HS3ST4: variants seen among roughly 807,000 people sequenced by gnomAD.
The protein encoded by HS3ST4 is heparan sulfate glucosamine 3-O-sulfotransferase 4.
In HS3ST4, 17 loss-of-function variants were observed where a neutral mutation model predicts 29.2. The observed-to-expected ratio is 0.58, with a 90% CI of 0.40 to 0.87. HS3ST4 has a LOEUF of 0.87. HS3ST4 is among the 40% of genes least tolerant of loss of function. The pLI, the probability that HS3ST4 is intolerant of heterozygous loss-of-function variation, is 0.00. For synonymous variants in HS3ST4, 314 were observed against 285.7 expected, an observed-to-expected ratio of 1.10 and a Z score of -1.00; for missense variants, 627 against 634.5, an observed-to-expected ratio of 0.99 and a Z score of 0.13.
rs187815168 is a variant in HS3ST4, at chr16:25,768,868, G to A, written c.734+75717G>A. 4.0e-3 allele frequency among the ~76,000 whole-genome samples: 608 copies of A among 152,216 alleles called. 1 individual carries two copies. Among genetic ancestry groups the A allele is most frequent in the South Asian group, 5.6e-3 (27 of 4,818 alleles). On this transcript the variant is annotated intron_variant, in intron 1 of 1. Coordinates refer to ENST00000331351, the MANE Select transcript of HS3ST4 (RefSeq NM_006040.3). ...TTCTTTAAAAGATGGAACAGCATTGGATCCCACTCAGCTGCATTGCACTGG... is the reference window on the plus strand; with the variant it reads ...TTCTTTAAAAGATGGAACAGCATTGAATCCCACTCAGCTGCATTGCACTGG...
At chr16:25,788,488 G>A (rs1434495894) in intron 1 of HS3ST4, among the ~76,000 whole-genome samples, 1 of 141,054 alleles carries the variant, frequency 7.1e-6, no homozygotes, top group African/African-American at 2.6e-5. Context: ...CTTTCTCCCT[G>A]TTATCATTAT....
chr16:25,802,606 T>A (rs1169722964), intron 1 of HS3ST4, among the ~76,000 whole-genome samples: 1 of 152,164 alleles, frequency 6.6e-6, no homozygotes, highest in Non-Finnish European at 1.5e-5. Flanking sequence ...GGAATCATGT[T>A]GTCAAGTTCT....
In HS3ST4 at chr16:25,692,692, G is replaced by C; in HGVS notation, c.275G>C (p.Gly92Ala). The C allele has an allele frequency of 8.1e-7, 1 of 1,228,900 alleles. No homozygotes were observed. The highest frequency in any genetic ancestry group is 3.5e-5 in the East Asian group (1 of 28,224). The allele number at this position is 1,228,900 out of a possible 1,614,324, so 76.1% of individuals were successfully genotyped here. The stretch of plus-strand genomic sequence containing the variant: ...CTGCTGCCTACCCCCGTGCGCCTCG[G>C]CGCCCCCTCGCAGCCGCCCGCGCCG... The part of the protein sequence containing the change: ...PSLLPTPVRL[G>A]APSQPPAPPP... Residue 92 changes from glycine (G) to alanine (A), a missense_variant, in exon 1 of 2, where the codon GGC becomes GCC. Physicochemically the swap from Gly to Ala is moderately conservative, Grantham distance 60. This residue lies in a region of HS3ST4 where 402 missense variants were observed against 340.8 expected (regional missense o/e 1.18). Coordinates refer to ENST00000331351, the MANE Select transcript of HS3ST4 (RefSeq NM_006040.3).
chr16:25,888,590 G>A (rs1036402061), intron 1 of HS3ST4, among the ~76,000 whole-genome samples: 2 of 152,218 alleles, frequency 1.3e-5, no homozygotes, highest in African/African-American at 4.8e-5. Context: ...AGGGCAGGGT[G>A]CTGCTCTGCT....
intron 1 of HS3ST4, among the ~76,000 whole-genome samples, chr16:25,863,703 T>G (rs1458883944): frequency 6.6e-6 from 1 of 152,230 alleles, no homozygotes; most frequent in Non-Finnish European, 1.5e-5. Context: ...TGTTTTAATA[T>G]TTAATCTGGA....
chr16:25,830,013 C>T lies in HS3ST4; in HGVS notation c.734+136862C>T, dbSNP rs1336221115. On this transcript the variant is annotated intron_variant, in intron 1 of 1. Transcript: ENST00000331351. ...TAATTTTTTGGATTTTAAGTAGAGACGTGGTTTCGGCATGTTGCCCAGGCT... is the reference window on the plus strand; with the variant it reads ...TAATTTTTTGGATTTTAAGTAGAGATGTGGTTTCGGCATGTTGCCCAGGCT... Among the ~76,000 whole-genome samples the T allele has an allele frequency of 2.6e-5, 4 of 151,890 alleles. No individual in the cohort carries two copies. The East Asian group carries it at 5.8e-4, about 22-fold the overall frequency.
chr16:25,833,206 A>G (rs1967322979), intron 1 of HS3ST4, among the ~76,000 whole-genome samples: 1 of 152,176 alleles, frequency 6.6e-6, no homozygotes, highest in South Asian at 2.1e-4. Context: ...TAGAAACCAC[A>G]TTGAAGTTGC....
chr16:25,977,306 G>A (rs1283813928), intron 1 of HS3ST4, among the ~76,000 whole-genome samples: 1 of 152,272 alleles, frequency 6.6e-6, no homozygotes, highest in African/African-American at 2.4e-5. Flanking sequence ...CTTGCCTTGT[G>A]TAAATGGGGA....
intron 1 of HS3ST4, among the ~76,000 whole-genome samples, chr16:25,857,944 CTT>C (rs1177748269): frequency 6.6e-4 from 34 of 51,464 alleles, no homozygotes; most frequent in African/African-American, 3.5e-3. Context: ...TTCTTTCTTT[CTT>C]TCTTTCTTTC....
At chr16:25,717,671 A>G (rs545830718) in intron 1 of HS3ST4, among the ~76,000 whole-genome samples, 2 of 152,202 alleles carry the variant, frequency 1.3e-5, no homozygotes, top group South Asian at 4.2e-4. Flanking sequence ...ACGGAGAAGG[A>G]TGACTTAGGA....
At chr16:25,933,925 G>A (rs1198518590) in intron 1 of HS3ST4, among the ~76,000 whole-genome samples, 1 of 152,100 alleles carries the variant, frequency 6.6e-6, no homozygotes, top group Non-Finnish European at 1.5e-5. Flanking sequence ...CAAACACCAG[G>A]CCCCATCTCC....
chr16:26,035,656 C>G (rs752231575), intron 1 of HS3ST4, among the ~76,000 whole-genome samples: 3 of 152,194 alleles, frequency 2.0e-5, no homozygotes, highest in Non-Finnish European at 4.4e-5. Context: ...CCTGCCAATA[C>G]CCTAGTTTAA....
chr16:25,776,830 T>C (rs896959444), intron 1 of HS3ST4, among the ~76,000 whole-genome samples: 8 of 152,220 alleles, frequency 5.3e-5, no homozygotes, highest in African/African-American at 1.9e-4. Context: ...AAAATCTCTT[T>C]CTTTGTATCA....
At chr16:25,978,474 G>C (rs1325520250) in intron 1 of HS3ST4, among the ~76,000 whole-genome samples, 1 of 152,264 alleles carries the variant, frequency 6.6e-6, no homozygotes, top group African/African-American at 2.4e-5. Flanking sequence ...AAGACAGATG[G>C]TGACTGGATT....
chr16:26,132,989 T>C (rs1470099177), intron 1 of HS3ST4, among the ~76,000 whole-genome samples: 12 of 152,216 alleles, frequency 7.9e-5, no homozygotes, highest in Admixed American at 7.9e-4. Flanking sequence ...CAGGCTGAGC[T>C]AATGGTAGCT....
intron 1 of HS3ST4, among the ~76,000 whole-genome samples, chr16:26,120,409 G>A: frequency 6.6e-6 from 1 of 152,186 alleles, no homozygotes; most frequent in Admixed American, 6.5e-5. Context: ...AGTGTCTGAA[G>A]GAAACAGTTC....
intron 1 of HS3ST4, among the ~76,000 whole-genome samples, chr16:25,783,513 C>T (rs1046298212): frequency 4.6e-5 from 7 of 151,550 alleles, no homozygotes; most frequent in Admixed American, 2.6e-4. Context: ...CAATTTCCTG[C>T]ATTCCAGACT....
chr16:25,693,192 G>A, intron 1 of HS3ST4, 41 bp downstream of exon 1: 1 of 1,504,100 alleles, frequency 6.6e-7, no homozygotes, highest in South Asian at 1.3e-5. Context: ...GACGCGTGGG[G>A]GAGACGCGGA....
At chr16:25,723,032 G>A (rs950416761) in intron 1 of HS3ST4, among the ~76,000 whole-genome samples, 2 of 152,114 alleles carry the variant, frequency 1.3e-5, no homozygotes, top group Non-Finnish European at 2.9e-5. Context: ...AAGTAAAAGA[G>A]GTTTCCCCTT....
Sources: gnomAD v4.1 joint callset for allele counts (sites outside exome capture counted in the v4.1 genomes callset) on GRCh38, gnomAD v4.1.1 for gene constraint, gnomAD v4.1.1 regional missense constraint, MANE v1.5 for transcripts, NCBI Gene and HGNC (gene_info 2026-07-23, HGNC 2026-07-21) for gene names.